The following TLL1 variants were observed in gnomAD, a reference collection of about 807,000 sequenced individuals.
TLL1 encodes the protein tolloid-like protein 1.
A neutral mutation model predicts 128.2 loss-of-function variants in TLL1; 49 were observed. The observed-to-expected ratio is 0.38, with a 90% CI of 0.30 to 0.48. TLL1 has a LOEUF of 0.48. TLL1 is among the 20% of genes least tolerant of loss of function. The pLI, the probability that TLL1 is intolerant of heterozygous loss-of-function variation, is 0.96. For synonymous variants in TLL1, 454 were observed against 418.8 expected, an observed-to-expected ratio of 1.08 and a Z score of -1.03; for missense variants, 1,123 against 1,242.0, an observed-to-expected ratio of 0.90 and a Z score of 1.44.
Position 165,902,292 on chromosome 4 carries a change from G to GAA in TLL1, c.169+28227_169+28228dup, listed in dbSNP as rs34829825. ...GGCGTTCCAGGTGCCACCAGGTTAT[G>GAA]AAAAAAAAACAAAAAAACAAAAAAA... On this transcript the variant is annotated intron_variant, in intron 1 of 20. Coordinates refer to ENST00000061240, the MANE Select transcript of TLL1 (RefSeq NM_012464.5). Among the ~76,000 whole-genome samples the GAA allele has an allele frequency of 2.2e-4, 32 of 148,138 alleles. 1 individual carries two copies. The highest frequency in any genetic ancestry group is 1.3e-3 in the South Asian group (6 of 4,706).
At chr4:165,891,737 A>G (rs1215039347) in intron 1 of TLL1, among the ~76,000 whole-genome samples, 1 of 152,138 alleles carries the variant, frequency 6.6e-6, no homozygotes, top group East Asian at 1.9e-4. Flanking sequence ...GAAGTTCCAA[A>G]CTTTCCCACA....
At chr4:165,965,258 G>T (rs75718484) in intron 1 of TLL1, among the ~76,000 whole-genome samples, 1,893 of 152,094 alleles carry the variant, frequency 0.012, 40 homozygotes, top group African/African-American at 0.044. Context: ...TTTTGATGAG[G>T]TTATATTTAC....
chr4:165,884,273 G>A (rs923964096), intron 1 of TLL1, among the ~76,000 whole-genome samples: 11 of 152,098 alleles, frequency 7.2e-5, no homozygotes, highest in Admixed American at 2.0e-4. Flanking sequence ...TTTAGCATTT[G>A]AAAATAGATA....
At chr4:165,901,668 G>A (rs1731997875) in intron 1 of TLL1, among the ~76,000 whole-genome samples, 1 of 152,156 alleles carries the variant, frequency 6.6e-6, no homozygotes, top group South Asian at 2.1e-4. Flanking sequence ...TCTCCTGTAT[G>A]AGGTGTCTGT....
chr4:165,906,218 G>A (rs10025830), intron 1 of TLL1, among the ~76,000 whole-genome samples: 23,961 of 151,946 alleles, frequency 0.16, 2,217 homozygotes, highest in East Asian at 0.31. Flanking sequence ...TTTATTTTTC[G>A]GCCCTTTAAG....
At chr4:166,055,953 A>G (rs146874081) in intron 13 of TLL1, among the ~76,000 whole-genome samples, 2 of 152,182 alleles carry the variant, frequency 1.3e-5, no homozygotes, top group African/African-American at 4.8e-5. Context: ...TTTCCTCCAT[A>G]TTGATTTTAT....
intron 1 of TLL1, among the ~76,000 whole-genome samples, chr4:165,980,138 A>G (rs1010809051): frequency 2.0e-5 from 3 of 151,988 alleles, no homozygotes; most frequent in Non-Finnish European, 4.4e-5. Flanking sequence ...TCTTCCGAGC[A>G]TGGTTTTTCT....
intron 1 of TLL1, among the ~76,000 whole-genome samples, chr4:165,909,565 C>T (rs1314853676): frequency 4.6e-5 from 7 of 152,122 alleles, no homozygotes; most frequent in Non-Finnish European, 8.8e-5. Flanking sequence ...GAGCCCGATA[C>T]TTATGCAGTT....
chr4:165,922,831 G>T (rs1733093757), intron 1 of TLL1, among the ~76,000 whole-genome samples: 1 of 152,154 alleles, frequency 6.6e-6, no homozygotes, highest in Non-Finnish European at 1.5e-5. Context: ...ATGATATTTA[G>T]ATAGAGCCTA....
intron 18 of TLL1, among the ~76,000 whole-genome samples, chr4:166,088,235 C>T (rs1180862896): frequency 3.3e-5 from 5 of 151,918 alleles, no homozygotes; most frequent in African/African-American, 1.2e-4. Context: ...GGCATTGGTT[C>T]CTGGTGGTTG....
chr4:165,967,403 G>A (rs1032664412), intron 1 of TLL1, among the ~76,000 whole-genome samples: 2 of 152,206 alleles, frequency 1.3e-5, no homozygotes, highest in African/African-American at 4.8e-5. Context: ...GATTGGGGAA[G>A]TGACAAATGT....
chr4:166,062,176 G>A (rs979453720), intron 15 of TLL1, among the ~76,000 whole-genome samples: 6 of 152,080 alleles, frequency 3.9e-5, no homozygotes, highest in African/African-American at 1.4e-4. Flanking sequence ...TGTTCTTTTG[G>A]CTTAGGATTG....
At chr4:166,061,051 T>A (rs1342416145) in intron 15 of TLL1, among the ~76,000 whole-genome samples, 1 of 152,146 alleles carries the variant, frequency 6.6e-6, no homozygotes, top group Non-Finnish European at 1.5e-5. Context: ...CCACAAAAAA[T>A]ATTTTGTCTT....
At chr4:165,957,433 C>T (rs1049379964) in intron 1 of TLL1, among the ~76,000 whole-genome samples, 19 of 151,924 alleles carry the variant, frequency 1.3e-4, no homozygotes, top group African/African-American at 4.6e-4. Flanking sequence ...CAGCTTTAGA[C>T]AGATCATTGA....
intron 1 of TLL1, among the ~76,000 whole-genome samples, chr4:165,892,151 T>C (rs1006060969): frequency 2.6e-5 from 4 of 152,242 alleles, no homozygotes; most frequent in Admixed American, 2.6e-4. Flanking sequence ...GAACTCATTA[T>C]CATGAAAACA....
At chr4:166,012,200 AT>A (rs1438810600) in intron 7 of TLL1, among the ~76,000 whole-genome samples, 1 of 151,624 alleles carries the variant, frequency 6.6e-6, no homozygotes, top group Non-Finnish European at 1.5e-5. Context: ...CAAATCAAGA[AT>A]AGTAAGTGAA....
At chr4:166,070,779 G>A (rs116790379) in intron 16 of TLL1, among the ~76,000 whole-genome samples, 3 of 151,950 alleles carry the variant, frequency 2.0e-5, no homozygotes, top group East Asian at 3.9e-4. Context: ...CTCGATATTT[G>A]TAAGTGTCCT....
intron 1 of TLL1, among the ~76,000 whole-genome samples, chr4:165,901,851 C>T (rs951962556): frequency 1.3e-5 from 2 of 152,158 alleles, no homozygotes; most frequent in Non-Finnish European, 2.9e-5. Flanking sequence ...CACAGCCACC[C>T]CTTACCCCAG....
chr4:165,951,325 T>C (rs1445393196), intron 1 of TLL1, among the ~76,000 whole-genome samples: 2 of 151,844 alleles, frequency 1.3e-5, no homozygotes, highest in Admixed American at 1.3e-4. Context: ...ATGAGAAAAA[T>C]AGTGGCCAGA....
Sources: allele counts gnomAD v4.1 joint callset (sites outside exome capture counted in the v4.1 genomes callset), GRCh38; gene constraint gnomAD v4.1.1; transcripts MANE v1.5; gene names NCBI Gene and HGNC (gene_info 2026-07-23, HGNC 2026-07-21).